The following LRRC23 variants were observed in gnomAD, a reference collection of about 807,000 sequenced individuals.
LRRC23 encodes leucine rich repeat containing 23.
A neutral mutation model predicts 37.7 loss-of-function variants in LRRC23; 28 were observed. The observed-to-expected ratio is 0.74, with a 90% confidence interval of 0.55 to 1.02. The LOEUF is 1.02. LRRC23 is among the 50% of genes least tolerant of loss of function. The pLI, the probability that LRRC23 is intolerant of heterozygous loss-of-function variation, is 0.00. For synonymous variants in LRRC23, 161 were observed against 165.4 expected (o/e 0.97, Z 0.20); for missense variants, 377 against 413.2 (o/e 0.91, Z 0.76).
chr12:6,913,839 A>G, intron 7 of LRRC23, 52 bp from the exon 8 acceptor site: 2 of 1,389,720 alleles, frequency 1.4e-6, no homozygotes, highest in Non-Finnish European at 2.0e-6. Context: ...CTGGGATTAC[A>G]GGGGTGAGCC....
intron 5 of LRRC23, among the ~76,000 whole-genome samples, chr12:6,908,156 A>G (rs1190651419): frequency 6.6e-6 from 1 of 152,054 alleles, no homozygotes; most frequent in Non-Finnish European, 1.5e-5. Flanking sequence ...TGCCCTTCCC[A>G]GATGCATCAC....
chr12:6,913,074 C>T (rs1555141000), intron 7 of LRRC23, 47 bp downstream of exon 7: 4 of 1,577,438 alleles, frequency 2.5e-6, no homozygotes, highest in Admixed American at 3.5e-5. Context: ...AAGGGCTGGG[C>T]AGGTAGGGGA....
At chr12:6,907,134 C>A (rs1944968180) in intron 4 of LRRC23, among the ~76,000 whole-genome samples, 181 bp from the exon 5 acceptor site, 2 of 152,148 alleles carry the variant, frequency 1.3e-5, no homozygotes. Context: ...TCCATCAGGA[C>A]CTTGGACTAC....
At chr12:6,910,999 A>G (rs899264828) in intron 6 of LRRC23, among the ~76,000 whole-genome samples, 2 of 152,074 alleles carry the variant, frequency 1.3e-5, no homozygotes, top group Admixed American at 1.3e-4. Flanking sequence ...ACCCTATCCT[A>G]TATAAGTTTC....
At chr12:6,913,243 T>G in intron 7 of LRRC23, 5 of 526,044 alleles carry the variant, frequency 9.5e-6, no homozygotes, top group South Asian at 2.5e-5. Context: ...GAAGAGTAAG[T>G]GAAAAGAATT....
intron 5 of LRRC23, among the ~76,000 whole-genome samples, chr12:6,908,880 C>T (rs12315363): frequency 2.2e-5 from 3 of 138,586 alleles, no homozygotes; most frequent in South Asian, 4.3e-4. Context: ...GAAAGATTAG[C>T]GCTTTCTCTT....
At chr12:6,912,477 G>C (rs894905352) in intron 6 of LRRC23, among the ~76,000 whole-genome samples, 9 of 152,118 alleles carry the variant, frequency 5.9e-5, no homozygotes, top group Admixed American at 6.6e-5. Flanking sequence ...GCCTAGCTTT[G>C]CTGCACCAAA....
rs1565551156 is a variant in LRRC23 at position 6,905,738 on chromosome 12, G to A, written c.105G>A (p.Glu35=). 2 of 1,613,706 alleles carry A rather than the reference G, an allele frequency of 1.2e-6. No homozygotes were observed. Among genetic ancestry groups the A allele is most frequent in the East Asian group, 2.2e-5 (1 of 44,848 alleles). ...ETEEGEDYRK[E]GEEFPEEWLP... is the part of the protein sequence containing the mutation. ...AGGAGGGGGAGGACTACAGAAAAGA[G>A]GGGGAAGAGTTCCCTGAGGAAGTGA... The change falls in exon 2 of 8, where the codon GAG becomes GAA. Residue 35 remains glutamate (E), a synonymous_variant. Coordinates refer to ENST00000443597, the MANE Select transcript of LRRC23 (RefSeq NM_001135217.2).
At chr12:6,908,622 C>CAAAAAAAAAAA (rs1565552999) in intron 5 of LRRC23, among the ~76,000 whole-genome samples, 7 of 65,748 alleles carry the variant, frequency 1.1e-4, no homozygotes, top group African/African-American at 4.0e-4. Flanking sequence ...AAAAAAAAAC[C>CAAAAAAAAAAA]AAAGAAAAAC....
intron 7 of LRRC23, 28 bp from the exon 8 acceptor site, chr12:6,913,863 C>G: frequency 3.3e-6 from 5 of 1,522,356 alleles, no homozygotes; most frequent in Non-Finnish European, 4.4e-6. Context: ...GCGCCTGGTC[C>G]CTATTTACTT....
intron 5 of LRRC23, 28 bp from the exon 6 acceptor site, chr12:6,909,858 CTCAA>C: frequency 1.9e-6 from 3 of 1,592,338 alleles, no homozygotes; most frequent in Non-Finnish European, 2.6e-6. Context: ...CCTGCTCCCT[CTCAA>C]TCAATCCACT....
At chr12:6,908,976 G>A (rs1410444154) in intron 5 of LRRC23, among the ~76,000 whole-genome samples, 1 of 126,404 alleles carries the variant, frequency 7.9e-6, no homozygotes, top group Non-Finnish European at 1.6e-5. Context: ...AAGACTGCAA[G>A]AAGGGCTATT....
At chr12:6,909,078 A>AAGCTTCGTTATTCTGGGATGG (rs1565553339) in intron 5 of LRRC23, among the ~76,000 whole-genome samples, 2 of 43,358 alleles carry the variant, frequency 4.6e-5, no homozygotes, top group African/African-American at 3.7e-4. Context: ...TATATTATAT[A>AAGCTTCGTTATTCTGGGATGG]TTATATAATT....
intron 6 of LRRC23, among the ~76,000 whole-genome samples, chr12:6,912,216 C>T (rs1383383502): frequency 6.6e-6 from 1 of 152,108 alleles, no homozygotes; most frequent in African/African-American, 2.4e-5. Context: ...GTGGCTCGAT[C>T]TCGGCTCACT....
At position 6,914,156 on chromosome 12, in the gene LRRC23, C is replaced by A; in HGVS notation, c.*290C>A. On this transcript the variant is annotated 3_prime_UTR_variant, in exon 8 of 8. Coordinates refer to ENST00000443597, the MANE Select transcript of LRRC23 (RefSeq NM_001135217.2). This position sits in a 1 kb window ranked among gnomAD's most constrained non-coding sequence, Gnocchi z 7.1. ...CCAAGACCGCGTGGGCCGCGGGGTGCTGGTAGGAGTGGTTGGAGAGACTTG... is the reference window on the plus strand; with the variant it reads ...CCAAGACCGCGTGGGCCGCGGGGTGATGGTAGGAGTGGTTGGAGAGACTTG... 5.3e-6 allele frequency: 7 copies of A among 1,319,318 alleles called. No individual in the cohort carries two copies. The highest frequency in any genetic ancestry group is 7.2e-6 in the Non-Finnish European group (7 of 977,650). The allele number at this position is 1,319,318 out of a possible 1,614,324, so 81.7% of individuals were successfully genotyped here.
Position 6,907,384 on chromosome 12 carries a change from G to A in LRRC23, c.560G>A (p.Arg187Gln), listed in dbSNP as rs781840959. 15 of 1,613,754 alleles carry A rather than the reference G, an allele frequency of 9.3e-6. No individual in the cohort carries two copies. The highest frequency in any genetic ancestry group is 2.7e-5 in the African/African-American group (2 of 74,828). Residue 187 changes from arginine (R) to glutamine (Q), a missense_variant, in exon 5 of 8, where the codon CGG becomes CAG. Physicochemically the swap from Arg to Gln is conservative, Grantham distance 43 (BLOSUM62 1). Around this residue, in one of 3 missense-constraint regions of LRRC23, gnomAD observed 266 missense variants for 285.6 expected, o/e 0.93. Transcript: ENST00000443597. ...KLISLHTVEL[R>Q]GNQLESTLGI... The stretch of plus-strand genomic sequence containing the variant: ...ATCAGCCTGCACACAGTGGAGCTTC[G>A]GGGGAACCAGCTGGAAAGCACCCTG...
chr12:6,905,595 G>A lies in LRRC23; in HGVS notation c.-39G>A, dbSNP rs1944921396. The A allele has an allele frequency of 6.2e-7, 1 of 1,611,678 alleles. No homozygotes were observed. The highest frequency in any genetic ancestry group is 8.5e-7 in the Non-Finnish European group (1 of 1,178,562). ...GACCTTCTTTTTCAGGAGGAGGACTGAGCTTATCTGACTCCAGAGCTTTCA... is the reference window on the plus strand; with the variant it reads ...GACCTTCTTTTTCAGGAGGAGGACTAAGCTTATCTGACTCCAGAGCTTTCA... On this transcript the variant is annotated 5_prime_UTR_variant, in exon 2 of 8. Coordinates refer to ENST00000443597, the MANE Select transcript of LRRC23 (RefSeq NM_001135217.2).
At chr12:6,913,083 GAAGAGGC>G (rs1460374868) in intron 7 of LRRC23, 56 bp downstream of exon 7, 3 of 1,548,858 alleles carry the variant, frequency 1.9e-6, no homozygotes, top group Non-Finnish European at 2.6e-6. Context: ...GCAGGTAGGG[GAAGAGGC>G]AAGAGGGGAA....
chr12:6,912,635 C>G (rs1945189521), intron 6 of LRRC23, 95 bp from the exon 7 acceptor site: 2 of 1,149,282 alleles, frequency 1.7e-6, no homozygotes, highest in Non-Finnish European at 2.5e-6. Context: ...TCTAGGGACA[C>G]TGGAACCCCG....
Sources: gnomAD v4.1 joint callset for allele counts (sites outside exome capture counted in the v4.1 genomes callset) on GRCh38, gnomAD v4.1.1 for gene constraint, gnomAD v4.1.1 regional missense constraint, Gnocchi (gnomAD v3.1) non-coding constraint, MANE v1.5 for transcripts, NCBI Gene and HGNC (gene_info 2026-07-23, HGNC 2026-07-21) for gene names.